WWOX: variants seen among roughly 807,000 people sequenced by gnomAD.
WWOX encodes WW domain-containing oxidoreductase.
In WWOX, 69 loss-of-function variants were observed where a neutral mutation model predicts 46.2. The observed-to-expected ratio is 1.49, with a 90% CI of 1.23 to 1.82. The LOEUF is 1.82. Ranked by LOEUF, WWOX falls within the 40% of genes most tolerant of loss-of-function variation. The probability of loss-of-function intolerance (pLI) is 0.00; values close to 1 mark genes in which losing one functional copy is unlikely to be tolerated. For missense variants in WWOX, 919 were observed against 542.6 expected (o/e 1.69, Z -6.89); for synonymous variants, 359 against 202.6 (o/e 1.77, Z -6.56).
At position 79,082,264 on chromosome 16, in the gene WWOX, G is replaced by A. The variant is rs76265223; in HGVS notation, c.1057-129344G>A. 5.7e-3 allele frequency among the ~76,000 whole-genome samples: 873 copies of A among 152,284 alleles called. 9 individuals are homozygous for A. Among genetic ancestry groups the A allele is most frequent in the African/African-American group, 0.02 (823 of 41,550 alleles). ...TGGGAAACAGAGGCAGAGGAGAACAGGAAAGAGTCAGATGGACTTTGATTT... is the reference window on the plus strand; with the variant it reads ...TGGGAAACAGAGGCAGAGGAGAACAAGAAAGAGTCAGATGGACTTTGATTT... On this transcript the variant is annotated intron_variant, in intron 8 of 8. Transcript: ENST00000566780.
intron 8 of WWOX, among the ~76,000 whole-genome samples, chr16:78,574,014 CT>C (rs1238350222): frequency 6.6e-6 from 1 of 152,192 alleles, no homozygotes; most frequent in Non-Finnish European, 1.5e-5. Flanking sequence ...GAAGAATTGG[CT>C]TCCCAAATCA....
chr16:78,818,274 C>G (rs2051394904), intron 8 of WWOX, among the ~76,000 whole-genome samples: 1 of 152,208 alleles, frequency 6.6e-6, no homozygotes. Context: ...AGCCCATCTA[C>G]TTTCCAGTGT....
chr16:78,284,528 T>C lies in WWOX; in HGVS notation c.517-102332T>C, dbSNP rs1006091159. On this transcript the variant is annotated intron_variant, in intron 5 of 8. Coordinates refer to ENST00000566780, the MANE Select transcript of WWOX (RefSeq NM_016373.4). ...GATGAACCATCGTTTCAAATGTCAC[T>C]TACTTCTTGTTTTATAAAGTATCAT... 1.4e-4 allele frequency among the ~76,000 whole-genome samples: 21 copies of C among 152,314 alleles called. No homozygotes were observed. The Middle Eastern group carries it at 0.01, about 74-fold the overall frequency.
At chr16:78,677,893 G>A (rs1045719830) in intron 8 of WWOX, among the ~76,000 whole-genome samples, 1 of 152,102 alleles carries the variant, frequency 6.6e-6, no homozygotes, top group Non-Finnish European at 1.5e-5. Context: ...CCAAATTAAT[G>A]TTATTTCTAA....
Position 79,097,737 on chromosome 16 carries a change from T to G in WWOX, c.1057-113871T>G, listed in dbSNP as rs1464879274. 2.6e-5 allele frequency among the ~76,000 whole-genome samples: 4 copies of G among 152,248 alleles called. No homozygotes were observed. In the East Asian group the frequency reaches 5.8e-4, roughly 22 times the overall value. The stretch of plus-strand genomic sequence containing the variant: ...TAAAGGATACTTTCTGTCTTTTATT[T>G]AGGGAAGGCGATCATGTTGGCACAG... On this transcript the variant is annotated intron_variant, in intron 8 of 8. Coordinates refer to ENST00000566780, the MANE Select transcript of WWOX (RefSeq NM_016373.4).
At chr16:78,168,429 G>T (rs939979331) in intron 5 of WWOX, 1 of 151,472 alleles carries the variant, frequency 6.6e-6, no homozygotes, top group Non-Finnish European at 1.5e-5. Context: ...CAAAAACCTG[G>T]TGTTTTTCTT....
intron 5 of WWOX, among the ~76,000 whole-genome samples, chr16:78,293,967 ACT>A (rs2079900185): frequency 9.0e-6 from 1 of 110,550 alleles, no homozygotes; most frequent in Non-Finnish European, 1.7e-5. Flanking sequence ...ACAGAGTGAG[ACT>A]CTGTCTCAGA....
At chr16:79,004,305 G>A (rs1029209797) in intron 8 of WWOX, 5 of 152,186 alleles carry the variant, frequency 3.3e-5, no homozygotes, top group Admixed American at 2.0e-4. Context: ...GCCAGTACCC[G>A]TGAATGCTAC....
chr16:78,439,677 A>C (rs1477495435), intron 8 of WWOX, among the ~76,000 whole-genome samples: 1 of 152,244 alleles, frequency 6.6e-6, no homozygotes, highest in Non-Finnish European at 1.5e-5. Flanking sequence ...ACATCAGTTT[A>C]GCTGCTTTAG....
At chr16:78,899,620 AT>A (rs1479290799) in intron 8 of WWOX, 1 of 152,216 alleles carries the variant, frequency 6.6e-6, no homozygotes, top group African/African-American at 2.4e-5. Context: ...GCCATTGTCA[AT>A]TTTAAATAAA....
intron 5 of WWOX, among the ~76,000 whole-genome samples, chr16:78,318,817 A>G (rs1054025503): frequency 2.0e-5 from 3 of 152,204 alleles, no homozygotes; most frequent in Admixed American, 6.5e-5. Context: ...TTCTACAAGC[A>G]TGACTCCTTA....
At chr16:78,872,985 T>A (rs2044159854) in intron 8 of WWOX, 2 of 152,188 alleles carry the variant, frequency 1.3e-5, no homozygotes, top group East Asian at 1.9e-4. Context: ...TCTGTAAAGA[T>A]GAGGTCTTGC....
chr16:78,221,092 C>G (rs931124014), intron 5 of WWOX, among the ~76,000 whole-genome samples: 3 of 152,190 alleles, frequency 2.0e-5, no homozygotes, highest in South Asian at 2.1e-4. Context: ...CAGAGTTAAG[C>G]TCGGTTCATC....
intron 8 of WWOX, among the ~76,000 whole-genome samples, chr16:78,926,132 A>G (rs750814590): frequency 1.3e-5 from 2 of 152,118 alleles, no homozygotes; most frequent in Non-Finnish European, 2.9e-5. Flanking sequence ...TTGGGAGTGG[A>G]TGGACCCAAA....
At chr16:79,096,307 C>A (rs1198234564) in intron 8 of WWOX, among the ~76,000 whole-genome samples, 1 of 152,074 alleles carries the variant, frequency 6.6e-6, no homozygotes, top group Non-Finnish European at 1.5e-5. Context: ...TGAAGGCGTC[C>A]CCTGTTACTC....
At chr16:79,018,278 A>G (rs1264344232) in intron 8 of WWOX, among the ~76,000 whole-genome samples, 2 of 152,172 alleles carry the variant, frequency 1.3e-5, no homozygotes, top group South Asian at 2.1e-4. Context: ...TTTTCTGGTC[A>G]TTGTAATGGT....
At chr16:78,250,136 C>T (rs2037944575) in intron 5 of WWOX, among the ~76,000 whole-genome samples, 1 of 152,176 alleles carries the variant, frequency 6.6e-6, no homozygotes, top group Non-Finnish European at 1.5e-5. Context: ...TCAGTTTCCT[C>T]ATTTGTGTAA....
At chr16:78,730,532 G>T (rs1287048457) in intron 8 of WWOX, among the ~76,000 whole-genome samples, 2 of 151,822 alleles carry the variant, frequency 1.3e-5, no homozygotes, top group African/African-American at 4.8e-5. Context: ...GCTCACTGCA[G>T]CCTCAACCGC....
chr16:78,429,337 C>G (rs1236264840), intron 7 of WWOX, among the ~76,000 whole-genome samples: 2 of 152,172 alleles, frequency 1.3e-5, no homozygotes, highest in African/African-American at 4.8e-5. Context: ...AGAGTGGATA[C>G]TTAATGTCCA....
Sources: gnomAD v4.1 joint callset for allele counts (sites outside exome capture counted in the v4.1 genomes callset) on GRCh38, gnomAD v4.1.1 for gene constraint, MANE v1.5 for transcripts, NCBI Gene and HGNC (gene_info 2026-07-23, HGNC 2026-07-21) for gene names.